The following KATNAL2 variants were observed in gnomAD, a reference collection of about 807,000 sequenced individuals.
KATNAL2 encodes katanin catalytic subunit A1 like 2, also known as katanin p60 ATPase-containing subunit A-like 2.
A neutral mutation model predicts 76.3 loss-of-function variants in KATNAL2; 52 were observed. That is an observed-to-expected ratio of 0.68 (90% CI 0.55 to 0.86). The LOEUF (loss-of-function observed/expected upper bound fraction) is 0.86. Ranked by LOEUF, KATNAL2 falls within the 40% of genes least tolerant of loss-of-function variation. The probability of loss-of-function intolerance (pLI) is 0.00; values close to 1 mark genes in which losing one functional copy is unlikely to be tolerated. For synonymous variants in KATNAL2, 243 were observed against 244.2 expected (o/e 1.00, Z 0.05); for missense variants, 660 against 668.9 (o/e 0.99, Z 0.15).
intron 3 of KATNAL2, among the ~76,000 whole-genome samples, chr18:46,951,275 C>G (rs1051751573): frequency 6.6e-6 from 1 of 152,146 alleles, no homozygotes; most frequent in Admixed American, 6.5e-5. Context: ...GGACAAGACT[C>G]AATCATATAT....
chr18:46,950,092 T>G (rs1407394392), intron 3 of KATNAL2, among the ~76,000 whole-genome samples: 1 of 152,218 alleles, frequency 6.6e-6, no homozygotes, highest in Non-Finnish European at 1.5e-5. Flanking sequence ...CTCCCTAATC[T>G]AACGTCTGAC....
intron 8 of KATNAL2, among the ~76,000 whole-genome samples, chr18:47,060,523 G>A (rs959346306): frequency 9.2e-5 from 14 of 152,328 alleles, no homozygotes; most frequent in Middle Eastern, 3.4e-3. Context: ...CAGATTGGGT[G>A]GATGTAGTCA....
At chr18:47,034,262 C>T (rs754843811) in intron 3 of KATNAL2, 3 of 1,613,982 alleles carry the variant, frequency 1.9e-6, no homozygotes, top group Non-Finnish European at 1.7e-6. Flanking sequence ...TCTTTCTCCT[C>T]GGGCGACAGG....
intron 3 of KATNAL2, among the ~76,000 whole-genome samples, chr18:47,038,491 A>G (rs1395571218): frequency 6.6e-6 from 1 of 152,190 alleles, no homozygotes; most frequent in East Asian, 1.9e-4. Flanking sequence ...CACATGGAGT[A>G]TTTCTATAAT....
At chr18:47,032,767 G>T (rs2060534128) in intron 3 of KATNAL2, 1 of 682,616 alleles carries the variant, frequency 1.5e-6, no homozygotes. Flanking sequence ...AAATAGAATT[G>T]TTCCCAATGC....
chr18:46,936,320 C>T (rs937350651), intron 1 of KATNAL2, among the ~76,000 whole-genome samples: 12 of 152,010 alleles, frequency 7.9e-5, no homozygotes, highest in African/African-American at 2.9e-4. Flanking sequence ...AGCAAGTGCC[C>T]ATAAATTTTA....
chr18:46,922,128 T>C (rs1354784544), intron 1 of KATNAL2, among the ~76,000 whole-genome samples: 1 of 147,746 alleles, frequency 6.8e-6, no homozygotes, highest in African/African-American at 2.5e-5. Context: ...TGAGACAGGG[T>C]CTCACTCTGT....
At chr18:46,928,795 A>T (rs879620632) in intron 1 of KATNAL2, among the ~76,000 whole-genome samples, 3 of 151,694 alleles carry the variant, frequency 2.0e-5, no homozygotes, top group Non-Finnish European at 2.9e-5. Context: ...TTTTGATCTG[A>T]TTTCTTTCTC....
chr18:47,079,020 C>T (rs1190418330), intron 15 of KATNAL2, among the ~76,000 whole-genome samples: 1 of 152,090 alleles, frequency 6.6e-6, no homozygotes, highest in African/African-American at 2.4e-5. Context: ...TTCCCAAAAA[C>T]ACTAAGGAAA....
chr18:46,934,491 G>A (rs1041941217), intron 1 of KATNAL2, among the ~76,000 whole-genome samples: 2 of 152,058 alleles, frequency 1.3e-5, no homozygotes, highest in Admixed American at 1.3e-4. Flanking sequence ...TTTTTGATGG[G>A]GTTGTTTGCT....
At chr18:47,066,055 T>A (rs1485327834) in intron 10 of KATNAL2, among the ~76,000 whole-genome samples, 2 of 151,624 alleles carry the variant, frequency 1.3e-5, no homozygotes, top group Non-Finnish European at 1.5e-5. Context: ...GGGAACTGGA[T>A]GGGTGGGGAG....
chr18:47,066,073 A>G (rs1490306207), intron 10 of KATNAL2, among the ~76,000 whole-genome samples: 5 of 151,838 alleles, frequency 3.3e-5, no homozygotes, highest in African/African-American at 4.8e-5. Flanking sequence ...GAGCAGGAGT[A>G]GCACAAACAT....
chr18:46,938,805 G>A (rs1299499569), intron 1 of KATNAL2, among the ~76,000 whole-genome samples: 1 of 151,794 alleles, frequency 6.6e-6, no homozygotes, highest in Non-Finnish European at 1.5e-5. Context: ...CTTTATCCCT[G>A]GTTCACTTAG....
At chr18:46,963,931 TTC>T in intron 3 of KATNAL2, 1 of 597,988 alleles carries the variant, frequency 1.7e-6, no homozygotes, top group Non-Finnish European at 2.5e-6. Flanking sequence ...GCTGGGGCCA[TTC>T]TGGGGCGCTT....
chr18:47,087,631 T>C (rs2062830025), intron 15 of KATNAL2, among the ~76,000 whole-genome samples: 1 of 152,094 alleles, frequency 6.6e-6, no homozygotes, highest in South Asian at 2.1e-4. Context: ...AAATAATCTG[T>C]ACAACAAACC....
chr18:46,960,848 C>G (rs1031065737), intron 3 of KATNAL2, among the ~76,000 whole-genome samples: 5 of 152,156 alleles, frequency 3.3e-5, no homozygotes, highest in Non-Finnish European at 7.3e-5. Flanking sequence ...TGTAGAGGGA[C>G]GAGACGCGGA....
Position 46,946,473 on chromosome 18 carries a change from A to C in KATNAL2, c.-93A>C. 1.0e-6 allele frequency: 1 copy of C among 985,478 alleles called. No homozygotes were observed. Among genetic ancestry groups the C allele is most frequent in the Non-Finnish European group, 1.2e-6 (1 of 829,936 alleles). The allele number at this position is 985,478 out of a possible 1,614,324, so 61.0% of individuals were successfully genotyped here. A position where few individuals can be genotyped will look rare whatever the true frequency, so the allele number is the denominator to read the frequency against. On this transcript the variant is annotated 5_prime_UTR_variant, in exon 2 of 18. Coordinates refer to ENST00000683218, the MANE Select transcript of KATNAL2 (RefSeq NM_001387690.1). The stretch of plus-strand genomic sequence containing the variant: ...CAGGGAGGAGAAGACGGGACGTCAA[A>C]ATATAGTCTTGGGTATAGAAGCATT...
At chr18:47,034,714 G>A (rs770458411) in intron 3 of KATNAL2, 1 of 1,612,866 alleles carries the variant, frequency 6.2e-7, no homozygotes, top group African/African-American at 1.3e-5. Context: ...AGCGGGCTCA[G>A]GGCCCTCGGG....
At chr18:47,070,097 C>CTTTT (rs34614350) in intron 13 of KATNAL2, among the ~76,000 whole-genome samples, 9 of 134,920 alleles carry the variant, frequency 6.7e-5, no homozygotes, top group African/African-American at 1.9e-4. Context: ...TTTTTGCTTT[C>CTTTT]TTTTTTTTTT....
Sources: allele counts gnomAD v4.1 joint callset (sites outside exome capture counted in the v4.1 genomes callset), GRCh38; gene constraint gnomAD v4.1.1; transcripts MANE v1.5; gene names NCBI Gene and HGNC (gene_info 2026-07-23, HGNC 2026-07-21).